The following NOVA1 variants were observed in gnomAD, a reference collection of about 807,000 sequenced individuals.
NOVA1 encodes the protein RNA-binding protein Nova-1.
Under a neutral mutation model 38.0 loss-of-function variants are expected in NOVA1, and 7 were observed. The observed-to-expected ratio is 0.18, with a 90% CI of 0.10 to 0.35. The LOEUF (loss-of-function observed/expected upper bound fraction) is 0.35, where lower values mean the gene tolerates loss of function less well. NOVA1 is among the 10% of genes least tolerant of loss of function. NOVA1 has a pLI of 1.00. For missense variants in NOVA1, 460 were observed against 616.0 expected (o/e 0.75, Z 2.68); for synonymous variants, 270 against 232.5 (o/e 1.16, Z -1.47).
At chr14:26,562,114 T>C (rs1891867987) in intron 2 of NOVA1, among the ~76,000 whole-genome samples, 2 of 152,148 alleles carry the variant, frequency 1.3e-5, no homozygotes, top group African/African-American at 4.8e-5. Context: ...TTGGAAGTCA[T>C]TTTTAAGGTG....
intron 2 of NOVA1, among the ~76,000 whole-genome samples, chr14:26,497,926 A>G (rs1342009398): frequency 6.6e-6 from 1 of 152,206 alleles, no homozygotes; most frequent in Non-Finnish European, 1.5e-5. Flanking sequence ...AAAGAAATAA[A>G]TATCTTTATC....
intron 4 of NOVA1, among the ~76,000 whole-genome samples, chr14:26,451,491 G>C (rs940730558): frequency 2.0e-5 from 3 of 151,714 alleles, no homozygotes; most frequent in Admixed American, 6.6e-5. Context: ...CCTCAGTTTC[G>C]CAAGTAGCTG....
intron 2 of NOVA1, among the ~76,000 whole-genome samples, chr14:26,572,776 G>A (rs1892572495): frequency 6.9e-6 from 1 of 144,128 alleles, no homozygotes; most frequent in African/African-American, 2.5e-5. Flanking sequence ...ATGTGTGTCT[G>A]TACGTTTAAA....
At chr14:26,536,830 G>A (rs572639188) in intron 2 of NOVA1, among the ~76,000 whole-genome samples, 16 of 152,226 alleles carry the variant, frequency 1.1e-4, no homozygotes, top group African/African-American at 3.6e-4. Context: ...GAGGGAGAGG[G>A]CATTCATGGA....
At chr14:26,462,923 A>G (rs1039543580) in intron 4 of NOVA1, among the ~76,000 whole-genome samples, 3 of 152,174 alleles carry the variant, frequency 2.0e-5, no homozygotes, top group African/African-American at 7.2e-5. Flanking sequence ...AACAAAGTAG[A>G]GATATAAGAA....
At chr14:26,550,883 C>A (rs1363157121) in intron 2 of NOVA1, among the ~76,000 whole-genome samples, 1 of 151,986 alleles carries the variant, frequency 6.6e-6, no homozygotes, top group Non-Finnish European at 1.5e-5. Flanking sequence ...TTAGAGATAG[C>A]TGACAATTTC....
At chr14:26,503,226 G>A (rs1231266104) in intron 2 of NOVA1, among the ~76,000 whole-genome samples, 2 of 151,700 alleles carry the variant, frequency 1.3e-5, no homozygotes, top group Admixed American at 6.6e-5. Context: ...AAATCCTTAA[G>A]AAAAAGGTAA....
chr14:26,464,900 A>G (rs1883990056), intron 4 of NOVA1, among the ~76,000 whole-genome samples: 1 of 152,144 alleles, frequency 6.6e-6, no homozygotes, highest in Non-Finnish European at 1.5e-5. Context: ...TTTTTGGTTC[A>G]ATTTATTCCT....
At chr14:26,450,076 T>C (rs1257626278) in intron 4 of NOVA1, among the ~76,000 whole-genome samples, 1 of 152,282 alleles carries the variant, frequency 6.6e-6, no homozygotes, top group South Asian at 2.1e-4. Context: ...TTGTGATTGT[T>C]GTGTTACTGA....
intron 2 of NOVA1, among the ~76,000 whole-genome samples, chr14:26,488,951 A>G (rs1455265029): frequency 1.3e-5 from 2 of 152,114 alleles, no homozygotes; most frequent in Non-Finnish European, 2.9e-5. Flanking sequence ...AACAGTTTGC[A>G]CCAAACATGT....
At chr14:26,527,707 G>C (rs1449384934) in intron 2 of NOVA1, among the ~76,000 whole-genome samples, 1 of 152,072 alleles carries the variant, frequency 6.6e-6, no homozygotes. Context: ...ACCTTCCTAG[G>C]TTGTCCATTG....
At chr14:26,548,648 T>C (rs541810534) in intron 2 of NOVA1, among the ~76,000 whole-genome samples, 10 of 152,176 alleles carry the variant, frequency 6.6e-5, no homozygotes, top group Non-Finnish European at 1.5e-4. Flanking sequence ...TTATAAGGCA[T>C]AAACATGCCA....
At chr14:26,568,681 T>C (rs952684013) in intron 2 of NOVA1, among the ~76,000 whole-genome samples, 4 of 152,080 alleles carry the variant, frequency 2.6e-5, no homozygotes, top group South Asian at 2.1e-4. Flanking sequence ...AACTAGAGCA[T>C]GTAAGGGGAC....
intron 2 of NOVA1, among the ~76,000 whole-genome samples, chr14:26,579,188 G>C (rs1893058164): frequency 6.6e-6 from 1 of 150,830 alleles, no homozygotes; most frequent in Admixed American, 6.7e-5. Context: ...CTCCCGAGTA[G>C]GTGGGACTAC....
Position 26,597,724 on chromosome 14 carries a change from G to C in NOVA1, c.-288C>G, listed in dbSNP as rs1255035071. 9.2e-6 allele frequency: 10 copies of C among 1,082,392 alleles called. No individual in the cohort carries two copies. The highest frequency in any genetic ancestry group is 1.1e-5 in the Non-Finnish European group (10 of 893,716). The allele number at this position is 1,082,392 out of a possible 1,614,324, so 67.0% of individuals were successfully genotyped here. On this transcript the variant is annotated 5_prime_UTR_variant, in exon 1 of 5. Transcript: ENST00000539517. ...GGAGGGTGAAAGAAGAAGAAGAAAGGAGACAGGGGGAGAGAGTGGAGAAGG... is the reference window on the plus strand; with the variant it reads ...GGAGGGTGAAAGAAGAAGAAGAAAGCAGACAGGGGGAGAGAGTGGAGAAGG...
chr14:26,580,542 A>C (rs1893147388), intron 2 of NOVA1, among the ~76,000 whole-genome samples: 1 of 152,054 alleles, frequency 6.6e-6, no homozygotes, highest in Non-Finnish European at 1.5e-5. Flanking sequence ...CTATGCAACA[A>C]AAATACCCAC....
Position 26,564,022 on chromosome 14 carries a change from G to A in NOVA1, c.280+31388C>T, listed in dbSNP as rs1295733448. Among the ~76,000 whole-genome samples, 3 of 152,124 alleles carry A rather than the reference G, an allele frequency of 2.0e-5. No homozygotes were observed. The East Asian group carries it at 5.8e-4, about 29-fold the overall frequency. On this transcript the variant is annotated intron_variant, in intron 2 of 4. Transcript: ENST00000539517. ...CATTTTACAGATGAGAAAATAAAGTGTGTATAGCAAGACAAGTTAATAAGT... is the reference window on the plus strand; with the variant it reads ...CATTTTACAGATGAGAAAATAAAGTATGTATAGCAAGACAAGTTAATAAGT...
chr14:26,451,151 T>G (rs1004976625), intron 4 of NOVA1, among the ~76,000 whole-genome samples: 1 of 152,130 alleles, frequency 6.6e-6, no homozygotes. Context: ...CTATGAAATG[T>G]GTGAAGATAT....
At chr14:26,584,868 T>G (rs1466436681) in intron 2 of NOVA1, among the ~76,000 whole-genome samples, 1 of 151,402 alleles carries the variant, frequency 6.6e-6, no homozygotes, top group Admixed American at 6.6e-5. Flanking sequence ...GTTATCAAAC[T>G]TGTAACCTGG....
Sources: allele counts gnomAD v4.1 joint callset (sites outside exome capture counted in the v4.1 genomes callset), GRCh38; gene constraint gnomAD v4.1.1; transcripts MANE v1.5; gene names NCBI Gene and HGNC (gene_info 2026-07-23, HGNC 2026-07-21).